Variants in SLC2A4RG observed in about 807,000 individuals in gnomAD.
The protein encoded by SLC2A4RG is GLUT4 enhancer factor.
A neutral mutation model predicts 35.5 loss-of-function variants in SLC2A4RG; 23 were observed. The observed-to-expected ratio is 0.65, with a 90% confidence interval of 0.47 to 0.92. The LOEUF is 0.92. Ranked by LOEUF, SLC2A4RG falls within the 40% of genes least tolerant of loss-of-function variation. The pLI, the probability that SLC2A4RG is intolerant of heterozygous loss-of-function variation, is 0.00. For synonymous variants in SLC2A4RG, 306 were observed against 243.7 expected (o/e 1.26, Z -2.38); for missense variants, 539 against 525.0 (o/e 1.03, Z -0.26).
Position 63,739,928 on chromosome 20 carries a change from C to T in SLC2A4RG, c.16C>T (p.Pro6Ser), listed in dbSNP as rs1044226331. The change falls in exon 1 of 8, where the codon CCC becomes TCC. Residue 6 changes from proline (P) to serine (S), a missense_variant. Transcript: ENST00000266077. The stretch of plus-strand genomic sequence containing the variant: ...CCGGCCGGCCATGGAGCGCCCCCCG[C>T]CCCGCGCCGCCGGCCGGGACCCCAG... MERPP[P>S]RAAGRDPSAL... 5 of 978,494 alleles carry T rather than the reference C, an allele frequency of 5.1e-6. No homozygotes were observed. The highest frequency in any genetic ancestry group is 3.6e-5 in the African/African-American group (2 of 56,248). 60.6% of individuals were successfully genotyped at this position (978,494 alleles called of 1,614,324 possible).
Position 63,743,225 on chromosome 20 carries a change from A to C in SLC2A4RG, c.*235A>C. ...AAACCAGCTTTTTGCACTAAAGCCA[A>C]ACCACACCGCTGTCCCCTTAGCCCC... On this transcript the variant is annotated 3_prime_UTR_variant, in exon 8 of 8. Coordinates refer to ENST00000266077, the MANE Select transcript of SLC2A4RG (RefSeq NM_020062.4). The C allele has an allele frequency of 2.2e-6, 1 of 464,128 alleles. No individual in the cohort carries two copies. The highest frequency in any genetic ancestry group is 3.9e-6 in the Non-Finnish European group (1 of 256,598). 28.8% of individuals were successfully genotyped at this position (464,128 alleles called of 1,614,324 possible). A position where few individuals can be genotyped will look rare whatever the true frequency, so the allele number is the denominator to read the frequency against.
rs745321427 is a variant in SLC2A4RG at position 63,742,838 on chromosome 20, C to T, written c.1053-41C>T. 2.8e-5 allele frequency: 44 copies of T among 1,591,248 alleles called. No homozygotes were observed. The Admixed American group carries it at 6.7e-4, about 24-fold the overall frequency. ...CGGCTGGCACCAGGTGGGGAGGGTC[C>T]TGGTCTCACAGCACCCCATGTCCTG... is the stretch of plus-strand genomic sequence containing the variant. On this transcript the variant is annotated intron_variant, in intron 7 of 7. Coordinates refer to ENST00000266077, the MANE Select transcript of SLC2A4RG (RefSeq NM_020062.4).
At chr20:63,741,064 C>G (rs533971861) in intron 2 of SLC2A4RG, among the ~76,000 whole-genome samples, 1 of 152,334 alleles carries the variant, frequency 6.6e-6, no homozygotes, top group South Asian at 2.1e-4. Flanking sequence ...AGGCCTGGGC[C>G]TGGCCCGCCC....
Position 63,743,322 on chromosome 20 carries a change from T to C in SLC2A4RG, c.*332T>C, listed in dbSNP as rs1308513970. The stretch of plus-strand genomic sequence containing the variant: ...TATCAAGGGTGTTATGGGCCCAGCT[T>C]TGGGGGGCCAGTCCCGATGCACTTT... On this transcript the variant is annotated 3_prime_UTR_variant, in exon 8 of 8. Transcript: ENST00000266077. 4.5e-6 allele frequency: 1 copy of C among 220,008 alleles called. No homozygotes were observed. Among genetic ancestry groups the C allele is most frequent in the African/African-American group, 2.3e-5 (1 of 43,880 alleles). 13.6% of individuals were successfully genotyped at this position (220,008 alleles called of 1,614,324 possible).
At position 63,742,119 on chromosome 20, in the gene SLC2A4RG, T is replaced by C. The variant is rs1454195027; in HGVS notation, c.580-11T>C. 11 of 1,602,888 alleles carry C rather than the reference T, an allele frequency of 6.9e-6. No individual in the cohort carries two copies. The highest frequency in any genetic ancestry group is 1.7e-4 in the Middle Eastern group (1 of 5,778). On this transcript the variant is annotated splice_polypyrimidine_tract_variant and intron_variant, in intron 4 of 7. Coordinates refer to ENST00000266077, the MANE Select transcript of SLC2A4RG (RefSeq NM_020062.4). ...GGCGGCTGAGCCTGACCCTGGCCCC[T>C]GTTGCTGCAGAGCCCGGCCCAGGTC...
chr20:63,741,532 C>T, intron 3 of SLC2A4RG, 53 bp downstream of exon 3: 1 of 1,489,868 alleles, frequency 6.7e-7, no homozygotes, highest in Non-Finnish European at 9.2e-7. Context: ...GGGCTCAGAA[C>T]CTACAGCCAC....
rs755299094 is a variant in SLC2A4RG at position 63,741,352 on chromosome 20, C to T, written c.282-18C>T. ...AGCTCTGGCTGGGTCACCCGCACCC[C>T]GCCCCCATCTCCTCCAGAGCCACCC... is the stretch of plus-strand genomic sequence containing the variant. On this transcript the variant is annotated intron_variant, in intron 2 of 7. Coordinates refer to ENST00000266077, the MANE Select transcript of SLC2A4RG (RefSeq NM_020062.4). 4.3e-6 allele frequency: 7 copies of T among 1,609,550 alleles called. No homozygotes were observed. Among genetic ancestry groups the T allele is most frequent in the South Asian group, 1.1e-5 (1 of 90,976 alleles).
At chr20:63,741,758 A>G in intron 3 of SLC2A4RG, 111 bp from the exon 4 acceptor site, 2 of 1,443,966 alleles carry the variant, frequency 1.4e-6, no homozygotes, top group Non-Finnish European at 1.8e-6. Context: ...CAGCTCCTCC[A>G]AGACGCTCTG....
rs2092043200 is a variant in SLC2A4RG at position 63,741,838 on chromosome 20, G to A, written c.392-31G>A. 8 of 1,549,416 alleles carry A rather than the reference G, an allele frequency of 5.2e-6. No individual in the cohort carries two copies. The East Asian group carries it at 1.7e-4, about 33-fold the overall frequency. On this transcript the variant is annotated intron_variant, in intron 3 of 7. Coordinates refer to ENST00000266077, the MANE Select transcript of SLC2A4RG (RefSeq NM_020062.4). ...TAGGGACTCCCTGGACCCACCCGAA[G>A]TTCTAAGGCGGGGGGCCCGTGTCCC...
In SLC2A4RG at chr20:63,741,975, C is replaced by G. The variant is rs781482464; in HGVS notation, c.498C>G (p.Ser166=). 2.5e-6 allele frequency: 4 copies of G among 1,613,074 alleles called. No homozygotes were observed. In the Admixed American group the frequency reaches 6.7e-5, roughly 27 times the overall value. ...DWGWDLASDQ[S]SPSTPSPPLP... ...GATGGGACCTGGCCAGTGACCAGTC[C>G]TCTCCGTCCACCCCGTCACCCCCAC... Residue 166 remains serine (S), a synonymous_variant, in exon 4 of 8, where the codon TCC becomes TCG. Coordinates refer to ENST00000266077, the MANE Select transcript of SLC2A4RG (RefSeq NM_020062.4).
In SLC2A4RG at chr20:63,743,824, G is replaced by A. The variant is rs1052833310; in HGVS notation, c.*834G>A. ...ACCCACGGCCACAGAGAGGCAGGAC[G>A]GCAGAGCCATGATTTCCCACCGAGC... On this transcript the variant is annotated 3_prime_UTR_variant, in exon 8 of 8. Transcript: ENST00000266077. 3.3e-5 allele frequency: 5 copies of A among 152,162 alleles called. No homozygotes were observed. The highest frequency in any genetic ancestry group is 7.3e-5 in the African/African-American group (3 of 41,332). 9.4% of individuals were successfully genotyped at this position (152,162 alleles called of 1,614,324 possible). A position where few individuals can be genotyped will look rare whatever the true frequency, so the allele number is the denominator to read the frequency against.
Position 63,743,327 on chromosome 20 carries a change from G to T in SLC2A4RG, c.*337G>T, listed in dbSNP as rs1456145402. On this transcript the variant is annotated 3_prime_UTR_variant, in exon 8 of 8. Coordinates refer to ENST00000266077, the MANE Select transcript of SLC2A4RG (RefSeq NM_020062.4). ...AGGGTGTTATGGGCCCAGCTTTGGG[G>T]GGCCAGTCCCGATGCACTTTGAGGG... 2 of 219,372 alleles carry T rather than the reference G, an allele frequency of 9.1e-6. No homozygotes were observed. The highest frequency in any genetic ancestry group is 4.6e-5 in the African/African-American group (2 of 43,900). The allele number at this position is 219,372 out of a possible 1,614,324, so 13.6% of individuals were successfully genotyped here. A position where few individuals can be genotyped will look rare whatever the true frequency, so the allele number is the denominator to read the frequency against.
chr20:63,742,894 C>A lies in SLC2A4RG; in HGVS notation c.1068C>A (p.Asp356Glu). ...CCCCGCACAGGAAGCCCCGCGGCGA[C>A]GCGAAGAAGTGCCGGAAGGTGTATG... Reference protein sequence around the residue: ...IGVTLRKPRGDAKKCRKVYGM... With the variant: ...IGVTLRKPRGEAKKCRKVYGM... The change falls in exon 8 of 8, where the codon GAC becomes GAA. Residue 356 changes from aspartate to glutamate, a missense_variant. Transcript: ENST00000266077. The A allele has an allele frequency of 6.2e-7, 1 of 1,611,840 alleles. No homozygotes were observed. The highest frequency in any genetic ancestry group is 8.5e-7 in the Non-Finnish European group (1 of 1,179,322).
In SLC2A4RG at chr20:63,740,447, C is replaced by G; in HGVS notation, c.197C>G (p.Ser66Trp). Reference sequence around the variant, plus strand: ...CCGCAGGAGTCGGAGCCGCGGGCCTCGGACCTGGGGGCCCCCCGGACGTGG... The same window carrying G: ...CCGCAGGAGTCGGAGCCGCGGGCCTGGGACCTGGGGGCCCCCCGGACGTGG... ...ARPQESEPRA[S>W]DLGAPRTWTG... The change falls in exon 2 of 8, where the codon TCG becomes TGG. Residue 66 changes from serine (S) to tryptophan (W), a missense_variant. By Grantham distance (177) the Ser-to-Trp change is radical. Coordinates refer to ENST00000266077, the MANE Select transcript of SLC2A4RG (RefSeq NM_020062.4). 1 of 1,230,756 alleles carries G rather than the reference C, an allele frequency of 8.1e-7. No homozygotes were observed. Among genetic ancestry groups the G allele is most frequent in the Non-Finnish European group, 1.0e-6 (1 of 986,582 alleles). The allele number at this position is 1,230,756 out of a possible 1,614,324, so 76.2% of individuals were successfully genotyped here.
chr20:63,740,262 A>T, intron 1 of SLC2A4RG, 115 bp from the exon 2 acceptor site: 1 of 728,384 alleles, frequency 1.4e-6, no homozygotes, highest in Non-Finnish European at 1.8e-6. Flanking sequence ...CGCGCCGTCC[A>T]CACCGGCCGC....
chr20:63,741,759 A>G, intron 3 of SLC2A4RG, 110 bp from the exon 4 acceptor site: 2 of 1,444,132 alleles, frequency 1.4e-6, no homozygotes, highest in Non-Finnish European at 1.8e-6. Context: ...AGCTCCTCCA[A>G]GACGCTCTGC....
At position 63,742,397 on chromosome 20, in the gene SLC2A4RG, G is replaced by A; in HGVS notation, c.742G>A (p.Val248Ile). ...EEDFYYTELD[V>I]GVDTLTDGLS... ...GGACTTCTACTACACAGAGCTGGAT[G>A]TTGGTGTGGACACGCTGACCGACGG... is the stretch of plus-strand genomic sequence containing the variant. Residue 248 changes from valine to isoleucine, a missense_variant, in exon 6 of 8, where the codon GTT becomes ATT. Transcript: ENST00000266077. 1.2e-6 allele frequency: 2 copies of A among 1,611,830 alleles called. No individual in the cohort carries two copies. Among genetic ancestry groups the A allele is most frequent in the Non-Finnish European group, 1.7e-6 (2 of 1,179,526 alleles).
Position 63,741,859 on chromosome 20 carries a change from G to A in SLC2A4RG, c.392-10G>A. ...CGAAGTTCTAAGGCGGGGGGCCCGT[G>A]TCCCCACAGAGCCTGGCCTGGAGCC... On this transcript the variant is annotated splice_polypyrimidine_tract_variant and intron_variant, in intron 3 of 7. Coordinates refer to ENST00000266077, the MANE Select transcript of SLC2A4RG (RefSeq NM_020062.4). 4 of 1,580,026 alleles carry A rather than the reference G, an allele frequency of 2.5e-6. No homozygotes were observed. The highest frequency in any genetic ancestry group is 3.4e-6 in the Non-Finnish European group (4 of 1,164,098).
intron 3 of SLC2A4RG, 114 bp from the exon 4 acceptor site, chr20:63,741,755 T>TC: frequency 6.9e-7 from 1 of 1,442,950 alleles, no homozygotes; most frequent in South Asian, 1.5e-5. Flanking sequence ...GGCCAGCTCC[T>TC]CCAAGACGCT....
Sources: allele counts gnomAD v4.1 joint callset (sites outside exome capture counted in the v4.1 genomes callset), GRCh38; gene constraint gnomAD v4.1.1; transcripts MANE v1.5; gene names NCBI Gene and HGNC (gene_info 2026-07-23, HGNC 2026-07-21).